Variants in SNTG1 observed in about 807,000 individuals in gnomAD.
SNTG1 encodes the protein syntrophin gamma 1, also known as gamma-1-syntrophin.
SNTG1 carries 39 observed loss-of-function variants against 74.7 expected under a neutral mutation model. The ratio of observed to expected loss-of-function variants is 0.52; its 90% confidence interval spans 0.40 to 0.68. The LOEUF (loss-of-function observed/expected upper bound fraction) is 0.68, where lower values mean the gene tolerates loss of function less well. Among genes scored for constraint, SNTG1 ranks in the 30% least tolerant of loss-of-function variants. The pLI is 0.00. For synonymous variants in SNTG1, 254 were observed against 217.1 expected, an observed-to-expected ratio of 1.17 and a Z score of -1.49; for missense variants, 685 against 609.5, an observed-to-expected ratio of 1.12 and a Z score of -1.30.
intron 12 of SNTG1, among the ~76,000 whole-genome samples, chr8:50,589,835 G>C (rs1249767337): frequency 6.6e-6 from 1 of 152,070 alleles, no homozygotes; most frequent in African/African-American, 2.4e-5. Context: ...TATATGAGTA[G>C]GTTCAGAGAT....
chr8:50,149,435 C>T (rs1190748623), intron 1 of SNTG1, among the ~76,000 whole-genome samples: 2 of 152,246 alleles, frequency 1.3e-5, no homozygotes, highest in Middle Eastern at 3.4e-3. Flanking sequence ...GTTGCCATTG[C>T]TTTTGTTGTT....
At chr8:50,651,555 T>A (rs946069825) in intron 13 of SNTG1, among the ~76,000 whole-genome samples, 9 of 151,698 alleles carry the variant, frequency 5.9e-5, no homozygotes, top group African/African-American at 2.2e-4. Flanking sequence ...CCGCCCAGGT[T>A]CAAGCGATTC....
chr8:50,700,454 T>A (rs554793403), intron 15 of SNTG1, among the ~76,000 whole-genome samples: 1 of 152,270 alleles, frequency 6.6e-6, no homozygotes, highest in East Asian at 1.9e-4. Context: ...GAACCCCTGC[T>A]TTTTCCAAAG....
At chr8:50,127,319 A>T (rs1043272368) in intron 1 of SNTG1, among the ~76,000 whole-genome samples, 11 of 152,114 alleles carry the variant, frequency 7.2e-5, no homozygotes, top group Non-Finnish European at 1.5e-4. Context: ...ACATCTTAGG[A>T]ATACTAGAGG....
At chr8:50,573,347 A>T (rs1389501304) in intron 12 of SNTG1, among the ~76,000 whole-genome samples, 5 of 152,170 alleles carry the variant, frequency 3.3e-5, no homozygotes, top group African/African-American at 9.6e-5. Flanking sequence ...TGTTTCTTAA[A>T]TTTTTTAAGT....
intron 18 of SNTG1, among the ~76,000 whole-genome samples, chr8:50,787,733 G>A (rs1019897925): frequency 2.6e-5 from 4 of 151,906 alleles, no homozygotes; most frequent in Non-Finnish European, 5.9e-5. Flanking sequence ...TTAAGTGAAC[G>A]TAGATAATCA....
chr8:50,158,703 C>T (rs899302980), intron 1 of SNTG1, among the ~76,000 whole-genome samples: 6 of 151,874 alleles, frequency 4.0e-5, no homozygotes, highest in African/African-American at 1.5e-4. Context: ...TAATTTGTTT[C>T]TCTATTCCTT....
At position 50,466,193 on chromosome 8, in the gene SNTG1, C is replaced by A. The variant is rs1007185998; in HGVS notation, c.363+15464C>A. ...ATAGTATTGCATTTTAAATTTAGGT[C>A]TATTATTAATTTTGAGTTCATTTTT... is the stretch of plus-strand genomic sequence containing the variant. On this transcript the variant is annotated intron_variant, in intron 8 of 18. Transcript: ENST00000642720. Among the ~76,000 whole-genome samples, 5 of 151,990 alleles carry A rather than the reference C, an allele frequency of 3.3e-5. No individual in the cohort carries two copies. The East Asian group carries it at 5.8e-4, about 18-fold the overall frequency.
chr8:50,507,086 AT>A (rs923914626), intron 9 of SNTG1, among the ~76,000 whole-genome samples: 7 of 150,782 alleles, frequency 4.6e-5, no homozygotes, highest in Admixed American at 2.0e-4. Flanking sequence ...TCTATGTGGG[AT>A]TTTTTTTTCT....
chr8:50,453,943 G>T (rs915801288), intron 8 of SNTG1, among the ~76,000 whole-genome samples: 1 of 128,906 alleles, frequency 7.8e-6, no homozygotes, highest in Non-Finnish European at 1.8e-5. Flanking sequence ...TGGCAAGACT[G>T]TGTGAAAAAT....
chr8:50,011,134 TGA>T, intron 1 of SNTG1, among the ~76,000 whole-genome samples: 1 of 152,268 alleles, frequency 6.6e-6, no homozygotes, highest in Non-Finnish European at 1.5e-5. Flanking sequence ...TAATAAATAT[TGA>T]GGATGACAGA....
At chr8:50,101,939 T>C (rs1586274673) in intron 1 of SNTG1, among the ~76,000 whole-genome samples, 1 of 152,150 alleles carries the variant, frequency 6.6e-6, no homozygotes, top group East Asian at 1.9e-4. Flanking sequence ...GTGCCACATT[T>C]TCTTAATCCA....
chr8:50,187,858 T>G lies in SNTG1; in HGVS notation c.-28+15223T>G, dbSNP rs560533548. 2.6e-5 allele frequency among the ~76,000 whole-genome samples: 4 copies of G among 152,276 alleles called. No homozygotes were observed. The East Asian group carries it at 7.7e-4, about 29-fold the overall frequency. ...AAGCTCTGCCCTTCCATGATGGAAG[T>G]GGCCCAGTGAAAACAACCAGGCAGC... On this transcript the variant is annotated intron_variant, in intron 2 of 18. Coordinates refer to ENST00000642720, the MANE Select transcript of SNTG1 (RefSeq NM_018967.5).
chr8:50,750,394 T>C (rs1467504699), intron 17 of SNTG1, among the ~76,000 whole-genome samples: 1 of 152,008 alleles, frequency 6.6e-6, no homozygotes, highest in Non-Finnish European at 1.5e-5. Flanking sequence ...TAACAAAATA[T>C]TTAGAATATT....
intron 4 of SNTG1, among the ~76,000 whole-genome samples, chr8:50,411,101 T>C (rs2092942440): frequency 6.6e-6 from 1 of 152,158 alleles, no homozygotes; most frequent in Admixed American, 6.5e-5. Context: ...TTTGCGCTTC[T>C]CCTTGTTTGG....
intron 13 of SNTG1, among the ~76,000 whole-genome samples, chr8:50,618,104 T>C (rs1267431814): frequency 6.6e-6 from 1 of 152,200 alleles, no homozygotes; most frequent in African/African-American, 2.4e-5. Flanking sequence ...CCTAAGTTGT[T>C]ATGATGTTTG....
chr8:50,459,468 T>C (rs1011007856), intron 8 of SNTG1, among the ~76,000 whole-genome samples: 2 of 152,194 alleles, frequency 1.3e-5, no homozygotes, highest in Non-Finnish European at 2.9e-5. Context: ...TGAATTTTCA[T>C]GTATTTTTCT....
intron 12 of SNTG1, among the ~76,000 whole-genome samples, chr8:50,571,777 G>A (rs1344869519): frequency 2.0e-5 from 3 of 152,246 alleles, no homozygotes; most frequent in South Asian, 2.1e-4. Flanking sequence ...CCTCCTACCA[G>A]GCATAGGAGT....
rs534645963 is a variant in SNTG1, at chr8:50,211,195, A to G, written c.-28+38560A>G. Among the ~76,000 whole-genome samples, 5 of 152,282 alleles carry G rather than the reference A, an allele frequency of 3.3e-5. No individual in the cohort carries two copies. In the South Asian group the frequency reaches 1.0e-3, roughly 32 times the overall value. Reference sequence around the variant, plus strand: ...AAATGGTAATATTGAGGTAAAGTACATAACTTAGTGTAAAGAAACATGGAA... The same window carrying G: ...AAATGGTAATATTGAGGTAAAGTACGTAACTTAGTGTAAAGAAACATGGAA... On this transcript the variant is annotated intron_variant, in intron 2 of 18. Transcript: ENST00000642720.
Sources: gnomAD v4.1 joint callset for allele counts (sites outside exome capture counted in the v4.1 genomes callset) on GRCh38, gnomAD v4.1.1 for gene constraint, MANE v1.5 for transcripts, NCBI Gene and HGNC (gene_info 2026-07-23, HGNC 2026-07-21) for gene names.